The following SOS1 variants were observed in gnomAD, a reference collection of about 807,000 sequenced individuals.
SOS1 encodes SOS Ras/Rac guanine nucleotide exchange factor 1, also known as son of sevenless homolog 1.
In SOS1, 25 loss-of-function variants were observed where a neutral mutation model predicts 157.6. That is an observed-to-expected ratio of 0.16 (90% CI 0.12 to 0.22). SOS1 has a LOEUF of 0.22. SOS1 is among the 10% of genes least tolerant of loss of function. SOS1 has a pLI of 1.00. For synonymous variants in SOS1, 528 were observed against 534.0 expected (o/e 0.99, Z 0.16); for missense variants, 1,237 against 1,599.1 (o/e 0.77, Z 3.86).
intron 1 of SOS1, among the ~76,000 whole-genome samples, chr2:39,096,248 T>A (rs1672760731): frequency 6.6e-6 from 1 of 152,164 alleles, no homozygotes; most frequent in Admixed American, 6.5e-5. Flanking sequence ...TATCCCTTCC[T>A]CATCATTCCC....
chr2:39,032,487 T>C (rs920957010), intron 8 of SOS1, among the ~76,000 whole-genome samples: 1 of 152,238 alleles, frequency 6.6e-6, no homozygotes, highest in Non-Finnish European at 1.5e-5. Flanking sequence ...GGAAAATGTA[T>C]ATATATTTTT....
rs116528710 is a variant in SOS1, at chr2:38,996,128, G to A, written c.3082-741C>T. ...GAGACGAGTCTTGCTCTGTCTCCCA[G>A]GCTGGAGCTGGATAGCCATGGCACG... On this transcript the variant is annotated intron_variant, in intron 19 of 22. Coordinates refer to ENST00000402219, the MANE Select transcript of SOS1 (RefSeq NM_005633.4). Among the ~76,000 whole-genome samples the A allele has an allele frequency of 1.6e-3, 237 of 151,978 alleles. 1 individual carries two copies. Among genetic ancestry groups the A allele is most frequent in the African/African-American group, 5.4e-3 (222 of 41,444 alleles).
At chr2:39,060,965 T>G (rs1671379803) in intron 2 of SOS1, among the ~76,000 whole-genome samples, 2 of 151,330 alleles carry the variant, frequency 1.3e-5, no homozygotes, top group Non-Finnish European at 2.9e-5. Context: ...GCGGTGGAAT[T>G]ACAGAGACTA....
intron 17 of SOS1, among the ~76,000 whole-genome samples, chr2:38,998,414 T>G (rs1235421833): frequency 2.6e-5 from 4 of 152,084 alleles, no homozygotes; most frequent in Admixed American, 2.6e-4. Context: ...CACACCCAGC[T>G]AATTTTTGTA....
rs70954782 is a variant in SOS1 at position 39,102,530 on chromosome 2, CAAAAAAAA to C, written c.87+17798_87+17805del. ...TGGGCAACAGAGCAAGACTCCATCT[CAAAAAAAA>C]AAAAAAAAAAAAAAAAAGAAGAATT... On this transcript the variant is annotated intron_variant, in intron 1 of 22. Transcript: ENST00000402219. Among the ~76,000 whole-genome samples the C allele has an allele frequency of 3.0e-4, 15 of 50,602 alleles. No homozygotes were observed. In the Admixed American group the frequency reaches 3.7e-3, roughly 12 times the overall value. The allele number at this position is 50,602 out of a possible 152,430, so 33.2% of individuals were successfully genotyped here.
At chr2:39,053,164 AAGAGAG>A (rs989371446) in intron 5 of SOS1, among the ~76,000 whole-genome samples, 1 of 152,292 alleles carries the variant, frequency 6.6e-6, no homozygotes, top group Admixed American at 6.5e-5. Flanking sequence ...AGAAAAAAAA[AAGAGAG>A]AGAACCACCA....
At chr2:39,020,001 A>T (rs931877402) in intron 10 of SOS1, among the ~76,000 whole-genome samples, 2 of 151,718 alleles carry the variant, frequency 1.3e-5, no homozygotes, top group African/African-American at 4.8e-5. Flanking sequence ...ACATATAATT[A>T]AAAAATTACA....
rs1317203797 is a variant in SOS1, at chr2:39,012,134, A to T, written c.2382T>A (p.Asp794Glu). ...AATGTTAAATTACATACCGGTATAG[A>T]TCTGATTCAAGTAAAGTGAGTTGTC... ...IARQLTLLES[D>E]LYRAVQPSEL... is the part of the protein sequence containing the mutation. The change falls in exon 14 of 23, where the codon GAT becomes GAA. Residue 794 changes from aspartate to glutamate, a missense_variant. Transcript: ENST00000402219. 6.2e-7 allele frequency: 1 copy of T among 1,605,846 alleles called. No homozygotes were observed. The highest frequency in any genetic ancestry group is 1.3e-5 in the African/African-American group (1 of 74,826).
intron 15 of SOS1, among the ~76,000 whole-genome samples, chr2:39,007,929 G>A (rs1340558639): frequency 6.6e-6 from 1 of 152,142 alleles, no homozygotes; most frequent in Non-Finnish European, 1.5e-5. Flanking sequence ...CAAAAATTTG[G>A]TAAGAGAGGG....
intron 6 of SOS1, among the ~76,000 whole-genome samples, chr2:39,037,432 GTTTAT>G (rs1558481729): frequency 1.3e-5 from 2 of 151,914 alleles, no homozygotes; most frequent in East Asian, 1.9e-4. Flanking sequence ...GTTCCTTTCA[GTTTAT>G]TTTAAAACTA....
chr2:39,004,696 C>T (rs1377127809), intron 17 of SOS1, among the ~76,000 whole-genome samples: 1 of 151,708 alleles, frequency 6.6e-6, no homozygotes, highest in East Asian at 1.9e-4. Context: ...AAAACTAATA[C>T]ATGTCAATGA....
chr2:39,070,643 A>C (rs1299991193), intron 1 of SOS1, among the ~76,000 whole-genome samples: 1 of 152,122 alleles, frequency 6.6e-6, no homozygotes, highest in East Asian at 1.9e-4. Context: ...AAAATCTCAA[A>C]CTTAACATGA....
intron 2 of SOS1, among the ~76,000 whole-genome samples, chr2:39,060,760 CTAAAG>C (rs1671372627): frequency 6.6e-6 from 1 of 151,910 alleles, no homozygotes; most frequent in East Asian, 1.9e-4. Context: ...GGGCAATGCA[CTAAAG>C]TAATTTTATG....
intron 1 of SOS1, among the ~76,000 whole-genome samples, chr2:39,094,221 A>G (rs570540994): frequency 3.6e-4 from 54 of 152,110 alleles, no homozygotes; most frequent in African/African-American, 1.3e-3. Flanking sequence ...TAAAAATGTT[A>G]CTGTTGTTAA....
chr2:39,040,172 C>T (rs1214778826), intron 6 of SOS1, among the ~76,000 whole-genome samples: 2 of 151,778 alleles, frequency 1.3e-5, no homozygotes, highest in African/African-American at 4.9e-5. Flanking sequence ...CCACTACACC[C>T]GGCTAATTTT....
chr2:39,086,206 G>C (rs1296586279), intron 1 of SOS1, among the ~76,000 whole-genome samples: 1 of 152,214 alleles, frequency 6.6e-6, no homozygotes, highest in Non-Finnish European at 1.5e-5. Flanking sequence ...GAAAGCTGAA[G>C]GGTGAGCAGA....
chr2:38,994,255 C>T (rs886247706), intron 20 of SOS1, among the ~76,000 whole-genome samples: 2 of 152,000 alleles, frequency 1.3e-5, no homozygotes, highest in African/African-American at 4.8e-5. Flanking sequence ...TTTGCTTTTC[C>T]TAATGAGGCT....
At chr2:39,045,810 G>A (rs1466445645) in intron 6 of SOS1, among the ~76,000 whole-genome samples, 2 of 152,160 alleles carry the variant, frequency 1.3e-5, no homozygotes, top group Non-Finnish European at 2.9e-5. Flanking sequence ...CTGGCTTCAA[G>A]AAATTCTCCT....
intron 1 of SOS1, among the ~76,000 whole-genome samples, chr2:39,116,247 G>C (rs1183670600): frequency 1.3e-5 from 2 of 152,108 alleles, no homozygotes; most frequent in African/African-American, 4.8e-5. Context: ...TCCATCCTAA[G>C]AGCTTCTCCT....
Sources: gnomAD v4.1 joint callset for allele counts (sites outside exome capture counted in the v4.1 genomes callset) on GRCh38, gnomAD v4.1.1 for gene constraint, MANE v1.5 for transcripts, NCBI Gene and HGNC (gene_info 2026-07-23, HGNC 2026-07-21) for gene names.